CALHM5: variants seen among roughly 807,000 people sequenced by gnomAD.
The protein encoded by CALHM5 is calcium homeostasis modulator family member 5, also known as calcium homeostasis modulator protein 5.
Under a neutral mutation model 20.9 loss-of-function variants are expected in CALHM5, and 17 were observed. That is an observed-to-expected ratio of 0.82 (90% CI 0.56 to 1.22). The LOEUF (loss-of-function observed/expected upper bound fraction) is 1.22. Ranked by LOEUF, CALHM5 falls within the 50% of genes most tolerant of loss-of-function variation. The probability of loss-of-function intolerance (pLI) is 0.00; values close to 1 mark genes in which losing one functional copy is unlikely to be tolerated. For synonymous variants in CALHM5, 148 were observed against 140.0 expected (o/e 1.06, Z -0.40); for missense variants, 360 against 364.6 (o/e 0.99, Z 0.10).
rs2115164525 is a variant in CALHM5 at position 116,512,108 on chromosome 6, C to T, written c.412C>T (p.Leu138=). The change falls in exon 1 of 2, where the codon CTG becomes TTG. Residue 138 remains leucine, a synonymous_variant. Transcript: ENST00000368599. ...GAGCGGGACGAGAAGTTCAGGACTC[C>T]TGGAACTGATTTGCAAGGGTAAGCC... ...AMSGTRSSGL[L]ELICKGKPKE... 6.2e-7 allele frequency: 1 copy of T among 1,614,034 alleles called. No individual in the cohort carries two copies. The highest frequency in any genetic ancestry group is 2.2e-5 in the East Asian group (1 of 44,878).
At position 116,519,059 on chromosome 6, in the gene CALHM5, C is replaced by T. The variant is rs1429751769; in HGVS notation, c.*3070C>T. The T allele has an allele frequency of 6.6e-6, 1 of 152,204 alleles. No individual in the cohort carries two copies. The highest frequency in any genetic ancestry group is 2.4e-5 in the African/African-American group (1 of 41,440). The allele number at this position is 152,204 out of a possible 1,614,324, so 9.4% of individuals were successfully genotyped here. A position where few individuals can be genotyped will look rare whatever the true frequency, so the allele number is the denominator to read the frequency against. On this transcript the variant is annotated 3_prime_UTR_variant, in exon 2 of 2. Coordinates refer to ENST00000368599, the MANE Select transcript of CALHM5 (RefSeq NM_153711.5). Reference sequence around the variant, plus strand: ...GATAGGGAGAGCAAATTGGTGTCTGCTCTTGAGTATCTTGAGGGAATGGGT... The same window carrying T: ...GATAGGGAGAGCAAATTGGTGTCTGTTCTTGAGTATCTTGAGGGAATGGGT...
chr6:116,512,257 C>G (rs993210554), intron 1 of CALHM5, 21 bp downstream of exon 1: 2 of 1,573,908 alleles, frequency 1.3e-6, no homozygotes, highest in African/African-American at 2.7e-5. Context: ...ACAAACTCGC[C>G]TTTTTCTCTC....
rs377561992 is a variant in CALHM5 at position 116,516,907 on chromosome 6, C to G, written c.*918C>G. Reference sequence around the variant, plus strand: ...GGTATGTCTTAGTGCGTTTGGGCTACTATAACAAAATATCATAGATAGGTG... The same window carrying G: ...GGTATGTCTTAGTGCGTTTGGGCTAGTATAACAAAATATCATAGATAGGTG... On this transcript the variant is annotated 3_prime_UTR_variant, in exon 2 of 2. Transcript: ENST00000368599. 6.6e-6 allele frequency: 1 copy of G among 151,922 alleles called. No homozygotes were observed. Among genetic ancestry groups the G allele is most frequent in the African/African-American group, 2.4e-5 (1 of 41,326 alleles). The allele number at this position is 151,922 out of a possible 1,614,324, so 9.4% of individuals were successfully genotyped here.
Position 116,516,046 on chromosome 6 carries a change from C to T in CALHM5, c.*57C>T. The T allele has an allele frequency of 6.6e-7, 1 of 1,510,234 alleles. No individual in the cohort carries two copies. The highest frequency in any genetic ancestry group is 8.9e-7 in the Non-Finnish European group (1 of 1,127,904). 93.6% of individuals were successfully genotyped at this position (1,510,234 alleles called of 1,614,324 possible). A position where few individuals can be genotyped will look rare whatever the true frequency, so the allele number is the denominator to read the frequency against. On this transcript the variant is annotated 3_prime_UTR_variant, in exon 2 of 2. Coordinates refer to ENST00000368599, the MANE Select transcript of CALHM5 (RefSeq NM_153711.5). ...GTGGCATGCTCATTCTGTGATCCTCCTAACGTATCACCAGCAACCTGTGTG... is the reference window on the plus strand; with the variant it reads ...GTGGCATGCTCATTCTGTGATCCTCTTAACGTATCACCAGCAACCTGTGTG...
rs1772122419 is a variant in CALHM5 at position 116,511,686 on chromosome 6, G to C, written c.-11G>C. 1 of 1,610,880 alleles carries C rather than the reference G, an allele frequency of 6.2e-7. No homozygotes were observed. The highest frequency in any genetic ancestry group is 8.5e-7 in the Non-Finnish European group (1 of 1,178,280). On this transcript the variant is annotated 5_prime_UTR_variant, in exon 1 of 2. Coordinates refer to ENST00000368599, the MANE Select transcript of CALHM5 (RefSeq NM_153711.5). ...CAAAGGCACAGCATTTTCCCTCTGT[G>C]CATCTCCAACATGGATGCTTTTCAG...
chr6:116,515,694 T>G lies in CALHM5; in HGVS notation c.635T>G (p.Leu212Arg). 1 of 1,614,006 alleles carries G rather than the reference T, an allele frequency of 6.2e-7. No homozygotes were observed. Residue 212 changes from leucine to arginine, a missense_variant, in exon 2 of 2, where the codon CTG becomes CGG. Transcript: ENST00000368599. ...RCRSKVSYLQ[L>R]SFWKTYAQKE... The stretch of plus-strand genomic sequence containing the variant: ...CGATCTAAAGTTAGCTACCTTCAGC[T>G]GAGTTTTTGGAAGACATATGCACAA...
Position 116,519,340 on chromosome 6 carries a change from G to C in CALHM5, c.*3351G>C, listed in dbSNP as rs1023084231. 6.6e-6 allele frequency: 1 copy of C among 152,132 alleles called. No homozygotes were observed. Among genetic ancestry groups the C allele is most frequent in the Non-Finnish European group, 1.5e-5 (1 of 68,038 alleles). 9.4% of individuals were successfully genotyped at this position (152,132 alleles called of 1,614,324 possible). Reference sequence around the variant, plus strand: ...TCAGCCTCAGCTTGACCTATGGGGGGGCTCTGGAATGTCAGATTTCTCCTG... The same window carrying C: ...TCAGCCTCAGCTTGACCTATGGGGGCGCTCTGGAATGTCAGATTTCTCCTG... On this transcript the variant is annotated 3_prime_UTR_variant, in exon 2 of 2. Transcript: ENST00000368599.
At position 116,523,731 on chromosome 6, in the gene CALHM5, C is replaced by T. The variant is rs1402495733; in HGVS notation, c.*7742C>T. 6.6e-6 allele frequency: 1 copy of T among 152,050 alleles called. No homozygotes were observed. The highest frequency in any genetic ancestry group is 2.4e-5 in the African/African-American group (1 of 41,402). The allele number at this position is 152,050 out of a possible 1,614,324, so 9.4% of individuals were successfully genotyped here. A position where few individuals can be genotyped will look rare whatever the true frequency, so the allele number is the denominator to read the frequency against. On this transcript the variant is annotated 3_prime_UTR_variant, in exon 2 of 2. Transcript: ENST00000368599. ...AATATTGTTTCCTAAGAAGCTAAAC[C>T]TAATCAAGTATTTAGACATTACTGC...
In CALHM5 at chr6:116,511,906, C is replaced by T. The variant is rs1247969256; in HGVS notation, c.210C>T (p.Asn70=). The change falls in exon 1 of 2, where the codon AAC becomes AAT. Residue 70 remains asparagine, a synonymous_variant. Transcript: ENST00000368599. The part of the protein sequence containing the change: ...WVLLILGFFL[N]NRSWRLFTGC... ...TACTGATCCTGGGATTCTTTCTGAACAATAGGTCGTGGAGACTCTTCACAG... is the reference window on the plus strand; with the variant it reads ...TACTGATCCTGGGATTCTTTCTGAATAATAGGTCGTGGAGACTCTTCACAG... The T allele has an allele frequency of 1.2e-6, 2 of 1,613,888 alleles. No individual in the cohort carries two copies. The highest frequency in any genetic ancestry group is 1.7e-6 in the Non-Finnish European group (2 of 1,180,008).
At position 116,511,809 on chromosome 6, in the gene CALHM5, C is replaced by T; in HGVS notation, c.113C>T (p.Ala38Val). The T allele has an allele frequency of 1.2e-6, 2 of 1,614,066 alleles. No homozygotes were observed. Among genetic ancestry groups the T allele is most frequent in the Non-Finnish European group, 1.7e-6 (2 of 1,179,986 alleles). ...VGSERLFSVV[A>V]FKCPCSTENM... ...AGTGAGCGTCTCTTTTCTGTTGTGG[C>T]TTTTAAGTGCCCCTGCAGCACTGAG... Residue 38 changes from alanine to valine, a missense_variant, in exon 1 of 2, where the codon GCT (alanine) becomes GTT (valine). Coordinates refer to ENST00000368599, the MANE Select transcript of CALHM5 (RefSeq NM_153711.5).
At position 116,518,687 on chromosome 6, in the gene CALHM5, T is replaced by C. The variant is rs1772273156; in HGVS notation, c.*2698T>C. On this transcript the variant is annotated 3_prime_UTR_variant, in exon 2 of 2. Transcript: ENST00000368599. ...GTGTGAGAGGCTGAAACAGAAGTTC[T>C]ACAGAAGTAGGTTAGCTGTAAGGAG... The C allele has an allele frequency of 6.6e-6, 1 of 152,226 alleles. No individual in the cohort carries two copies. The highest frequency in any genetic ancestry group is 2.4e-5 in the African/African-American group (1 of 41,450). The allele number at this position is 152,226 out of a possible 1,614,324, so 9.4% of individuals were successfully genotyped here.
In CALHM5 at chr6:116,511,646, C is replaced by T. The variant is rs777560971; in HGVS notation, c.-51C>T. Reference sequence around the variant, plus strand: ...GCTCCACCCTCGGCCACTGCCACAGCTGCTCTGCCAATAACAAAGGCACAG... The same window carrying T: ...GCTCCACCCTCGGCCACTGCCACAGTTGCTCTGCCAATAACAAAGGCACAG... On this transcript the variant is annotated 5_prime_UTR_variant, in exon 1 of 2. Coordinates refer to ENST00000368599, the MANE Select transcript of CALHM5 (RefSeq NM_153711.5). 4.8e-5 allele frequency: 75 copies of T among 1,553,810 alleles called. No homozygotes were observed. Among genetic ancestry groups the T allele is most frequent in the Admixed American group, 7.2e-5 (4 of 55,228 alleles).
In CALHM5 at chr6:116,524,311, A is replaced by T. The variant is rs1006883408; in HGVS notation, c.*8322A>T. The T allele has an allele frequency of 6.6e-6, 1 of 152,230 alleles. No homozygotes were observed. Among genetic ancestry groups the T allele is most frequent in the Non-Finnish European group, 1.5e-5 (1 of 68,038 alleles). 9.4% of individuals were successfully genotyped at this position (152,230 alleles called of 1,614,324 possible). A position where few individuals can be genotyped will look rare whatever the true frequency, so the allele number is the denominator to read the frequency against. On this transcript the variant is annotated 3_prime_UTR_variant, in exon 2 of 2. Coordinates refer to ENST00000368599, the MANE Select transcript of CALHM5 (RefSeq NM_153711.5). ...ATATGTTTGAAAAATTTCATAAGGT[A>T]CACAACAAAATAAATGACATGGTCA...
In CALHM5 at chr6:116,519,766, G is replaced by C. The variant is rs1772296029; in HGVS notation, c.*3777G>C. 6.6e-6 allele frequency: 1 copy of C among 152,122 alleles called. No individual in the cohort carries two copies. The highest frequency in any genetic ancestry group is 2.4e-5 in the African/African-American group (1 of 41,420). The allele number at this position is 152,122 out of a possible 1,614,324, so 9.4% of individuals were successfully genotyped here. On this transcript the variant is annotated 3_prime_UTR_variant, in exon 2 of 2. Coordinates refer to ENST00000368599, the MANE Select transcript of CALHM5 (RefSeq NM_153711.5). ...TTTCCCATACAAGGAATATACTCAAGGAAAAATTTCATGGCACAAAATGCT... is the reference window on the plus strand; with the variant it reads ...TTTCCCATACAAGGAATATACTCAACGAAAAATTTCATGGCACAAAATGCT...
In CALHM5 at chr6:116,512,208, T is replaced by C. The variant is rs371671589; in HGVS notation, c.512T>C (p.Leu171Pro). Reference protein sequence around the residue: ...TSMLPTVNEELKLSLQAQSQI... With the variant: ...TSMLPTVNEEPKLSLQAQSQI... The stretch of plus-strand genomic sequence containing the variant: ...ATGCTACCTACCGTCAATGAAGAAC[T>C]GAAACTCTCCCTTCAGGCCCAGTCT... The change falls in exon 1 of 2, where the codon CTG (leucine) becomes CCG (proline). Residue 171 changes from leucine (L) to proline (P), a missense_variant. Physicochemically the swap from Leu to Pro is moderately conservative, Grantham distance 98 (BLOSUM62 -3). Transcript: ENST00000368599. The C allele has an allele frequency of 5.6e-6, 9 of 1,604,166 alleles. No individual in the cohort carries two copies. Among genetic ancestry groups the C allele is most frequent in the Non-Finnish European group, 5.9e-6 (7 of 1,178,970 alleles).
Position 116,515,570 on chromosome 6 carries a change from G to C in CALHM5, c.541-30G>C, listed in dbSNP as rs762059330. On this transcript the variant is annotated intron_variant, in intron 1 of 1. Transcript: ENST00000368599. ...GCTCCCTAAATGGCTTTGCTTTCAC[G>C]TGTGTACTCAATATTTCTTTCTTCT... 6 of 1,576,044 alleles carry C rather than the reference G, an allele frequency of 3.8e-6. No individual in the cohort carries two copies. The East Asian group carries it at 6.7e-5, about 18-fold the overall frequency.
chr6:116,522,444 A>G lies in CALHM5; in HGVS notation c.*6455A>G, dbSNP rs1772363082. 6.6e-6 allele frequency: 1 copy of G among 152,238 alleles called. No homozygotes were observed. The allele number at this position is 152,238 out of a possible 1,614,324, so 9.4% of individuals were successfully genotyped here. A position where few individuals can be genotyped will look rare whatever the true frequency, so the allele number is the denominator to read the frequency against. Reference sequence around the variant, plus strand: ...CAAAAATTACAGGCAAATTGTATTTATACATTTATACATTCTCCCTATGCA... The same window carrying G: ...CAAAAATTACAGGCAAATTGTATTTGTACATTTATACATTCTCCCTATGCA... On this transcript the variant is annotated 3_prime_UTR_variant, in exon 2 of 2. Coordinates refer to ENST00000368599, the MANE Select transcript of CALHM5 (RefSeq NM_153711.5).
intron 1 of CALHM5, among the ~76,000 whole-genome samples, chr6:116,514,827 A>T (rs1772190702): frequency 6.6e-6 from 1 of 152,260 alleles, no homozygotes; most frequent in African/African-American, 2.4e-5. Flanking sequence ...ATTAAGGATC[A>T]TTTAAACTAA....
chr6:116,516,682 TATATATATATATATATATATATATATAC>T lies in CALHM5; in HGVS notation c.*695_*722del, dbSNP rs1183131766. 1 of 60,780 alleles carries T rather than the reference TATATATATATATATATATATATATATAC, an allele frequency of 1.6e-5. No individual in the cohort carries two copies. Among genetic ancestry groups the T allele is most frequent in the African/African-American group, 4.1e-5 (1 of 24,534 alleles). 3.8% of individuals were successfully genotyped at this position (60,780 alleles called of 1,614,324 possible). A position where few individuals can be genotyped will look rare whatever the true frequency, so the allele number is the denominator to read the frequency against. On this transcript the variant is annotated 3_prime_UTR_variant, in exon 2 of 2. Coordinates refer to ENST00000368599, the MANE Select transcript of CALHM5 (RefSeq NM_153711.5). ...ACAAATATATATATATATATATATA[TATATATATATATATATATATATATATAC>T]ACACACACAGAAATATATATTTATA...
Sources: allele counts gnomAD v4.1 joint callset (sites outside exome capture counted in the v4.1 genomes callset), GRCh38; gene constraint gnomAD v4.1.1; transcripts MANE v1.5; gene names NCBI Gene and HGNC (gene_info 2026-07-23, HGNC 2026-07-21).